Variants in DACH2 observed in about 807,000 individuals in gnomAD.
DACH2 encodes dachshund homolog 2.
In DACH2, 17 loss-of-function variants were observed where a neutral mutation model predicts 35.8. The ratio of observed to expected loss-of-function variants is 0.48; its 90% CI spans 0.33 to 0.71. The LOEUF (loss-of-function observed/expected upper bound fraction) is 0.71. Ranked by LOEUF, DACH2 falls within the 30% of genes least tolerant of loss-of-function variation. DACH2 has a pLI of 0.02. For missense variants in DACH2, 469 were observed against 472.7 expected (o/e 0.99, Z 0.07); for synonymous variants, 195 against 177.3 (o/e 1.10, Z -0.79).
chrX:86,360,972 C>T (rs1235593023), intron 1 of DACH2, among the ~76,000 whole-genome samples: 4 of 109,742 alleles, frequency 3.6e-5, no homozygotes, highest in African/African-American at 1.3e-4. Context: ...TCTGAAGAAC[C>T]CTAAAAAAAC....
intron 5 of DACH2, among the ~76,000 whole-genome samples, chrX:86,703,955 A>G (rs1338128145): frequency 8.9e-6 from 1 of 112,177 alleles, no homozygotes; most frequent in Non-Finnish European, 1.9e-5. Flanking sequence ...AAAAACTATC[A>G]TAAAATTCAT....
chrX:86,679,055 A>C lies in DACH2; in HGVS notation c.773-15966A>C, dbSNP rs921218696. Among the ~76,000 whole-genome samples the C allele has an allele frequency of 4.5e-5, 5 of 111,638 alleles. No individual in the cohort carries two copies. In the Admixed American group the frequency reaches 4.8e-4, roughly 11 times the overall value. On this transcript the variant is annotated intron_variant, in intron 4 of 11. Coordinates refer to ENST00000373125, the MANE Select transcript of DACH2 (RefSeq NM_053281.3). ...TTCCACCATCCTCCCTGTCCTACACAGTCCTACCCAAGTTATATCCCACAA... is the reference window on the plus strand; with the variant it reads ...TTCCACCATCCTCCCTGTCCTACACCGTCCTACCCAAGTTATATCCCACAA...
chrX:86,371,018 A>G (rs1386992950), intron 1 of DACH2, among the ~76,000 whole-genome samples: 2 of 110,990 alleles, frequency 1.8e-5, no homozygotes, highest in African/African-American at 6.5e-5. Context: ...CCTATTTTTG[A>G]TATTCTTTGT....
intron 3 of DACH2, among the ~76,000 whole-genome samples, chrX:86,646,229 G>A (rs1465083746): frequency 9.1e-6 from 1 of 110,273 alleles, no homozygotes; most frequent in Non-Finnish European, 1.9e-5. Flanking sequence ...TTATAAGTGG[G>A]AGCTAAATGA....
chrX:86,803,309 T>A (rs997906447), intron 7 of DACH2, among the ~76,000 whole-genome samples: 5 of 111,723 alleles, frequency 4.5e-5, no homozygotes, highest in Non-Finnish European at 7.5e-5. Context: ...CTATGCTATG[T>A]AGACAAGTTC....
At chrX:86,719,410 A>T (rs1231578686) in intron 6 of DACH2, among the ~76,000 whole-genome samples, 1 of 112,202 alleles carries the variant, frequency 8.9e-6, no homozygotes, top group Non-Finnish European at 1.9e-5. Context: ...GTGAACTGGG[A>T]AAATTTGACT....
chrX:86,392,484 C>G lies in DACH2; in HGVS notation c.527+15622C>G, dbSNP rs749815954. 1.5e-4 allele frequency among the ~76,000 whole-genome samples: 17 copies of G among 111,553 alleles called. No homozygotes were observed. The East Asian group carries it at 4.2e-3, about 28-fold the overall frequency. On this transcript the variant is annotated intron_variant, in intron 2 of 11. Coordinates refer to ENST00000373125, the MANE Select transcript of DACH2 (RefSeq NM_053281.3). Reference sequence around the variant, plus strand: ...ACTCGTGGTAAGAGAAAAAGTTAGGCTGAAATGGTTTTGTGGAGGATAATA... The same window carrying G: ...ACTCGTGGTAAGAGAAAAAGTTAGGGTGAAATGGTTTTGTGGAGGATAATA...
intron 1 of DACH2, among the ~76,000 whole-genome samples, chrX:86,256,681 A>G (rs1367242440): frequency 1.8e-5 from 2 of 111,877 alleles, no homozygotes; most frequent in African/African-American, 6.5e-5. Context: ...AAAAATAGTT[A>G]CCTTGTCTTA....
At chrX:86,697,701 A>T (rs750421834) in intron 5 of DACH2, among the ~76,000 whole-genome samples, 8 of 28,205 alleles carry the variant, frequency 2.8e-4, no homozygotes, top group Non-Finnish European at 5.7e-4. Context: ...TGCTAGGGAT[A>T]AAAAAAAAAG....
intron 6 of DACH2, among the ~76,000 whole-genome samples, chrX:86,736,036 C>T (rs12559155): frequency 0.011 from 1,194 of 110,546 alleles, 20 homozygotes; most frequent in African/African-American, 0.037. Context: ...AGTTAAGTAG[C>T]TAAATAGATG....
intron 4 of DACH2, among the ~76,000 whole-genome samples, chrX:86,656,011 G>C (rs1228460713): frequency 9.8e-6 from 1 of 101,618 alleles, no homozygotes; most frequent in African/African-American, 3.7e-5. Flanking sequence ...CCAGTGCGAA[G>C]AGACCAAGAA....
chrX:86,454,288 G>A (rs1209651521), intron 2 of DACH2, among the ~76,000 whole-genome samples: 2 of 110,777 alleles, frequency 1.8e-5, no homozygotes, highest in African/African-American at 6.6e-5. Context: ...ATCTTCCTGG[G>A]TTTCCCACAG....
At chrX:86,502,035 C>CTTCCTTCCTTCCTTCCTTCCTTCT (rs1556274960) in intron 2 of DACH2, among the ~76,000 whole-genome samples, 4,535 of 106,184 alleles carry the variant, frequency 0.043, 392 homozygotes, top group African/African-American at 0.15. Context: ...TCCTTCCTTC[C>CTTCCTTCCTTCCTTCCTTCCTTCT]TTCCTTCCTT....
At chrX:86,656,855 GTGTATA>G (rs1360905605) in intron 4 of DACH2, among the ~76,000 whole-genome samples, 116 of 62,018 alleles carry the variant, frequency 1.9e-3, no homozygotes, top group African/African-American at 7.7e-3. Flanking sequence ...ATGTGTGTGT[GTGTATA>G]TATATATATA....
At chrX:86,618,769 G>C (rs956436354) in intron 3 of DACH2, among the ~76,000 whole-genome samples, 2 of 111,624 alleles carry the variant, frequency 1.8e-5, no homozygotes, top group Admixed American at 9.5e-5. Context: ...TCCTACAATT[G>C]CCTTATTTTT....
At chrX:86,403,646 A>T (rs902635368) in intron 2 of DACH2, among the ~76,000 whole-genome samples, 7 of 112,198 alleles carry the variant, frequency 6.2e-5, no homozygotes, top group Admixed American at 9.4e-5. Context: ...TTCTCAAAGA[A>T]TTTAAATCAG....
chrX:86,813,332 T>C lies in DACH2; in HGVS notation c.1537+55T>C. 9 of 1,049,600 alleles carry C rather than the reference T, an allele frequency of 8.6e-6. No individual in the cohort carries two copies. The South Asian group carries it at 2.1e-4, about 24-fold the overall frequency. 86.5% of individuals were successfully genotyped at this position (1,049,600 alleles called of 1,213,427 possible). A position where few individuals can be genotyped will look rare whatever the true frequency, so the allele number is the denominator to read the frequency against. On this transcript the variant is annotated intron_variant, in intron 9 of 11. Coordinates refer to ENST00000373125, the MANE Select transcript of DACH2 (RefSeq NM_053281.3). ...AATATTATGTTGGGGGTATTTTCAA[T>C]ACTAATGGAAATATTCTCCAAGATA...
intron 1 of DACH2, among the ~76,000 whole-genome samples, chrX:86,319,256 C>A (rs1378637931): frequency 8.9e-6 from 1 of 112,399 alleles, no homozygotes; most frequent in Non-Finnish European, 1.9e-5. Context: ...TCACAATTTG[C>A]TTAAACCTTC....
chrX:86,337,104 G>T (rs1465311034), intron 1 of DACH2, among the ~76,000 whole-genome samples: 1 of 111,159 alleles, frequency 9.0e-6, no homozygotes, highest in Non-Finnish European at 1.9e-5. Context: ...TGTTTGATTG[G>T]TGTACCTGAA....
Sources: gnomAD v4.1 joint callset for allele counts (sites outside exome capture counted in the v4.1 genomes callset) on GRCh38, gnomAD v4.1.1 for gene constraint, MANE v1.5 for transcripts, NCBI Gene and HGNC (gene_info 2026-07-23, HGNC 2026-07-21) for gene names.